RPTOR: variants seen among roughly 807,000 people sequenced by gnomAD.
RPTOR encodes regulatory associated protein of MTOR complex 1.
In RPTOR, 21 loss-of-function variants were observed where a neutral mutation model predicts 169.9. The ratio of observed to expected loss-of-function variants is 0.12; its 90% confidence interval spans 0.09 to 0.18. The LOEUF (loss-of-function observed/expected upper bound fraction) is 0.18, where lower values mean the gene tolerates loss of function less well. Ranked by LOEUF, RPTOR falls within the 10% of genes least tolerant of loss-of-function variation. The pLI is 1.00. For synonymous variants in RPTOR, 732 were observed against 753.2 expected (o/e 0.97, Z 0.46); for missense variants, 1,133 against 1,855.9 (o/e 0.61, Z 7.16).
At position 80,583,706 on chromosome 17, in the gene RPTOR, G is replaced by A. The variant is rs1238702828; in HGVS notation, c.162+37915G>A. 2.0e-5 allele frequency among the ~76,000 whole-genome samples: 3 copies of A among 152,336 alleles called. No homozygotes were observed. The East Asian group carries it at 5.8e-4, about 29-fold the overall frequency. On this transcript the variant is annotated intron_variant, in intron 1 of 33. Transcript: ENST00000306801. ...AGGGGGAATAACAAGGACGTCTCTG[G>A]AAAGTGCTGCAGGTTCCCCTGAGGA... is the stretch of plus-strand genomic sequence containing the variant.
chr17:80,608,383 A>C (rs2065243599), intron 1 of RPTOR, among the ~76,000 whole-genome samples: 1 of 152,232 alleles, frequency 6.6e-6, no homozygotes, highest in Non-Finnish European at 1.5e-5. Context: ...GTGCATGGAA[A>C]ACTTTGTGGG....
intron 2 of RPTOR, among the ~76,000 whole-genome samples, chr17:80,634,731 G>T (rs866850484): frequency 1.2e-5 from 1 of 80,800 alleles, no homozygotes; most frequent in Admixed American, 1.1e-4. Context: ...GTGTGTGTGC[G>T]TACTGTGTGT....
intron 6 of RPTOR, among the ~76,000 whole-genome samples, chr17:80,783,925 G>A (rs1459610892): frequency 1.3e-5 from 2 of 152,160 alleles, no homozygotes; most frequent in African/African-American, 2.4e-5. Context: ...GCTGTTTAAC[G>A]TTTGCAAGTT....
In RPTOR at chr17:80,957,784, G is replaced by A. The variant is rs959074373; in HGVS notation, c.3477+54G>A. The A allele has an allele frequency of 1.3e-5, 20 of 1,517,306 alleles. No individual in the cohort carries two copies. Among genetic ancestry groups the A allele is most frequent in the Non-Finnish European group, 1.7e-5 (19 of 1,093,512 alleles). The allele number at this position is 1,517,306 out of a possible 1,614,324, so 94.0% of individuals were successfully genotyped here. ...GGGCCTGTGGGGCAGTGTGTGCAGGGCTGGTCCTCGTCACAGAACCCAGCA... is the reference window on the plus strand; with the variant it reads ...GGGCCTGTGGGGCAGTGTGTGCAGGACTGGTCCTCGTCACAGAACCCAGCA... On this transcript the variant is annotated intron_variant, in intron 29 of 33. Transcript: ENST00000306801. This position sits in a 1 kb window ranked among gnomAD's most constrained non-coding sequence, Gnocchi z 4.6.
chr17:80,682,223 C>T (rs2065905025), intron 3 of RPTOR, among the ~76,000 whole-genome samples: 1 of 151,600 alleles, frequency 6.6e-6, no homozygotes. Flanking sequence ...CCCACCTCAG[C>T]CTCCCAAGTA....
chr17:80,855,421 C>T (rs1304550231), intron 11 of RPTOR, 43 bp from the exon 12 acceptor site: 1 of 1,458,708 alleles, frequency 6.9e-7, no homozygotes, highest in Admixed American at 1.7e-5. Flanking sequence ...GGTTGCACAC[C>T]AGTATGGTTT....
At chr17:80,954,822 C>T (rs1215812252) in intron 28 of RPTOR, among the ~76,000 whole-genome samples, 7 of 152,054 alleles carry the variant, frequency 4.6e-5, no homozygotes, top group African/African-American at 1.7e-4. Flanking sequence ...GAGGCTGAGG[C>T]AGGAGAATCA....
chr17:80,818,988 T>G (rs1466022133), intron 7 of RPTOR, among the ~76,000 whole-genome samples: 1 of 152,218 alleles, frequency 6.6e-6, no homozygotes, highest in Non-Finnish European at 1.5e-5. Flanking sequence ...GCAGGGGCTC[T>G]ATGAGCTTCA....
chr17:80,761,281 G>A (rs1179358011), intron 6 of RPTOR, among the ~76,000 whole-genome samples: 1 of 152,174 alleles, frequency 6.6e-6, no homozygotes, highest in African/African-American at 2.4e-5. Flanking sequence ...GATGTCTATT[G>A]CACTGTGCTG....
chr17:80,736,113 G>C (rs2066431173), intron 5 of RPTOR, among the ~76,000 whole-genome samples: 1 of 152,090 alleles, frequency 6.6e-6, no homozygotes, highest in Non-Finnish European at 1.5e-5. Flanking sequence ...GGAGGCTGCA[G>C]TGAGCCGTGA....
Position 80,883,753 on chromosome 17 carries a change from C to T in RPTOR, c.1651-28C>T, listed in dbSNP as rs2068211364. ...GTGCCTGCCATTGGCAGGCAGAGGC[C>T]AACCTGTCTGTGGTCCCGCCTCTGC... is the stretch of plus-strand genomic sequence containing the variant. On this transcript the variant is annotated intron_variant, in intron 15 of 33. Transcript: ENST00000306801. 4 of 1,611,380 alleles carry T rather than the reference C, an allele frequency of 2.5e-6. No homozygotes were observed. In the African/African-American group the frequency reaches 4.0e-5, roughly 16 times the overall value.
intron 2 of RPTOR, among the ~76,000 whole-genome samples, chr17:80,634,726 TGTGC>T (rs1237155101): frequency 8.0e-6 from 1 of 125,054 alleles, no homozygotes; most frequent in East Asian, 2.3e-4. Context: ...GTACTGTGTG[TGTGC>T]GTACTGTGTG....
intron 1 of RPTOR, among the ~76,000 whole-genome samples, chr17:80,599,188 C>A (rs973535756): frequency 6.6e-6 from 1 of 152,156 alleles, no homozygotes; most frequent in Non-Finnish European, 1.5e-5. Flanking sequence ...AAAAGGCTCT[C>A]CCCTGGATCT....
intron 4 of RPTOR, among the ~76,000 whole-genome samples, chr17:80,718,357 C>T (rs1290313680): frequency 6.6e-6 from 1 of 152,214 alleles, no homozygotes; most frequent in African/African-American, 2.4e-5. Flanking sequence ...TCTACCCTTA[C>T]CCCTCCGGAC....
Position 80,545,535 on chromosome 17 carries a change from T to A in RPTOR, c.-95T>A. On this transcript the variant is annotated 5_prime_UTR_variant, in exon 1 of 34. Transcript: ENST00000306801. ...TTTGGTTTTCGATTTCCCGTTTTTGTTTCTTATTTCACCAATTCTGGTACA... is the reference window on the plus strand; with the variant it reads ...TTTGGTTTTCGATTTCCCGTTTTTGATTCTTATTTCACCAATTCTGGTACA... The A allele has an allele frequency of 1.0e-6, 1 of 990,030 alleles. No individual in the cohort carries two copies. Among genetic ancestry groups the A allele is most frequent in the Non-Finnish European group, 1.5e-6 (1 of 663,028 alleles). The allele number at this position is 990,030 out of a possible 1,614,324, so 61.3% of individuals were successfully genotyped here. A position where few individuals can be genotyped will look rare whatever the true frequency, so the allele number is the denominator to read the frequency against.
chr17:80,871,514 G>A (rs2068052273), intron 13 of RPTOR, among the ~76,000 whole-genome samples: 1 of 152,208 alleles, frequency 6.6e-6, no homozygotes, highest in African/African-American at 2.4e-5. Context: ...CTGAGGTGGA[G>A]CAGACCCGGC....
At chr17:80,620,681 G>A (rs536999736) in intron 1 of RPTOR, among the ~76,000 whole-genome samples, 11 of 152,210 alleles carry the variant, frequency 7.2e-5, no homozygotes, top group African/African-American at 2.7e-4. Context: ...CAGGAGAATC[G>A]CTAGAACCCA....
At position 80,860,778 on chromosome 17, in the gene RPTOR, C is replaced by T. The variant is rs1210699029; in HGVS notation, c.1509+2878C>T. Among the ~76,000 whole-genome samples, 1 of 151,986 alleles carries T rather than the reference C, an allele frequency of 6.6e-6. No homozygotes were observed. Among genetic ancestry groups the T allele is most frequent in the Non-Finnish European group, 1.5e-5 (1 of 68,026 alleles). The stretch of plus-strand genomic sequence containing the variant: ...GCTCTCTCCAAGCAGAAGCAGCTTC[C>T]AGCCCCTCTTCCGGTTCTGGGATCT... On this transcript the variant is annotated intron_variant, in intron 13 of 33. Coordinates refer to ENST00000306801, the MANE Select transcript of RPTOR (RefSeq NM_020761.3). This position sits in a 1 kb window ranked among gnomAD's most constrained non-coding sequence, Gnocchi z 5.8.
At chr17:80,681,334 G>T (rs1016251847) in intron 3 of RPTOR, among the ~76,000 whole-genome samples, 4 of 152,130 alleles carry the variant, frequency 2.6e-5, no homozygotes, top group Admixed American at 6.5e-5. Context: ...GTGCTGTCTG[G>T]GCCTCATGGC....
Sources: gnomAD v4.1 joint callset for allele counts (sites outside exome capture counted in the v4.1 genomes callset) on GRCh38, gnomAD v4.1.1 for gene constraint, Gnocchi (gnomAD v3.1) non-coding constraint, MANE v1.5 for transcripts, NCBI Gene and HGNC (gene_info 2026-07-23, HGNC 2026-07-21) for gene names.